The following CELF3 variants were observed in gnomAD, a reference collection of about 807,000 sequenced individuals.
The protein encoded by CELF3 is CAG repeat domain.
A neutral mutation model predicts 59.6 loss-of-function variants in CELF3; 26 were observed. That is an observed-to-expected ratio of 0.44 (90% CI 0.32 to 0.61). CELF3 has a LOEUF of 0.61. Ranked by LOEUF, CELF3 falls within the 20% of genes least tolerant of loss-of-function variation. The pLI is 0.06. For synonymous variants in CELF3, 245 were observed against 250.7 expected (o/e 0.98, Z 0.22); for missense variants, 387 against 627.2 (o/e 0.62, Z 4.09).
intron 9 of CELF3, 78 bp from the exon 10 acceptor site, chr1:151,706,439 C>A (rs1344141334): frequency 1.4e-6 from 2 of 1,434,596 alleles, no homozygotes; most frequent in African/African-American, 1.4e-5. Flanking sequence ...GTCTCCCTTC[C>A]CCTAGCCCAG....
At chr1:151,706,821 G>C in intron 8 of CELF3, 87 bp from the exon 9 acceptor site, 1 of 1,062,070 alleles carries the variant, frequency 9.4e-7, no homozygotes, top group Non-Finnish European at 1.3e-6. Flanking sequence ...GCCGAGGCCA[G>C]GCAGGTGGGG....
At chr1:151,710,469 G>C (rs1672923350) in intron 2 of CELF3, 1 of 337,972 alleles carries the variant, frequency 3.0e-6, no homozygotes, top group South Asian at 2.2e-5. Context: ...GAGAAGGAGT[G>C]GGGTGGGGGG....
chr1:151,701,936 AAAAT>A lies in CELF3; in HGVS notation c.*1519_*1522del, dbSNP rs1368004584. Among the ~76,000 whole-genome samples the A allele has an allele frequency of 3.9e-5, 6 of 152,228 alleles. No homozygotes were observed. The highest frequency in any genetic ancestry group is 5.9e-5 in the Non-Finnish European group (4 of 68,042). ...AGACCCTGTTTCAAAGTAAATAAGT[AAAAT>A]AAATAAACTATAGCCTGCCTCACAA... On this transcript the variant is annotated 3_prime_UTR_variant, in exon 13 of 13. Transcript: ENST00000290583.
intron 12 of CELF3, among the ~76,000 whole-genome samples, chr1:151,704,808 G>GGTGTGT (rs138717096): frequency 1.3e-5 from 2 of 150,410 alleles, no homozygotes; most frequent in African/African-American, 4.9e-5. Flanking sequence ...GGTCACGGAG[G>GGTGTGT]GTGTGTGTGT....
intron 12 of CELF3, among the ~76,000 whole-genome samples, chr1:151,704,114 G>C (rs976767226): frequency 3.9e-5 from 6 of 152,040 alleles, no homozygotes; most frequent in Non-Finnish European, 8.8e-5. Flanking sequence ...CAACACGCTC[G>C]TTCCATGCAA....
At chr1:151,708,239 C>G in intron 5 of CELF3, 1 of 338,964 alleles carries the variant, frequency 3.0e-6, no homozygotes, top group Non-Finnish European at 5.4e-6. Context: ...GAAATCATCC[C>G]CACCCTGGGT....
chr1:151,706,099 G>A (rs549078975), intron 10 of CELF3, 125 bp downstream of exon 10: 121 of 1,593,430 alleles, frequency 7.6e-5, no homozygotes, highest in Non-Finnish European at 9.7e-5. Context: ...CCAAGTCTCC[G>A]GCCACTCCCT....
Position 151,701,379 on chromosome 1 carries a change from T to C in CELF3, c.*2080A>G, listed in dbSNP as rs1672067395. Among the ~76,000 whole-genome samples, 1 of 152,078 alleles carries C rather than the reference T, an allele frequency of 6.6e-6. No homozygotes were observed. The highest frequency in any genetic ancestry group is 1.5e-5 in the Non-Finnish European group (1 of 67,990). On this transcript the variant is annotated 3_prime_UTR_variant, in exon 13 of 13. Coordinates refer to ENST00000290583, the MANE Select transcript of CELF3 (RefSeq NM_007185.7). ...CCCTAAAGCAGCTCACAGAGAAGAA[T>C]CTAGGAAGTGGAGGGACTTAGGGCT...
Position 151,707,234 on chromosome 1 carries a change from C to G in CELF3, c.833G>C (p.Gly278Ala). The change falls in exon 8 of 13, where the codon GGC becomes GCC. Residue 278 changes from glycine (G) to alanine (A), a missense_variant. Around this residue, in one of 3 missense-constraint regions of CELF3, gnomAD observed 131 missense variants for 153.7 expected, o/e 0.85. Coordinates refer to ENST00000290583, the MANE Select transcript of CELF3 (RefSeq NM_007185.7). ...TPVSAIPAAL[G>A]VNGYSPVPTQ... is the part of the protein sequence containing the mutation. The stretch of plus-strand genomic sequence containing the variant: ...GGGCACCGGGCTGTAGCCGTTGACG[C>G]CCAGGGCAGCCGGAATGGCAGAGAC... 6.4e-7 allele frequency: 1 copy of G among 1,553,890 alleles called. No homozygotes were observed. The highest frequency in any genetic ancestry group is 2.4e-5 in the East Asian group (1 of 42,194).
Position 151,716,099 on chromosome 1 carries a change from A to C in CELF3, c.-79T>G. On this transcript the variant is annotated 5_prime_UTR_variant, in exon 1 of 13. Transcript: ENST00000290583. ...AGGGGAGCTGCCCAGCAAGGAGATA[A>C]GTGGTGGGGCCCGGGGGCCCAGCTG... is the stretch of plus-strand genomic sequence containing the variant. 6.9e-7 allele frequency: 1 copy of C among 1,453,160 alleles called. No individual in the cohort carries two copies. Among genetic ancestry groups the C allele is most frequent in the Non-Finnish European group, 9.2e-7 (1 of 1,087,858 alleles). The allele number at this position is 1,453,160 out of a possible 1,614,324, so 90.0% of individuals were successfully genotyped here.
chr1:151,714,163 T>A (rs1184316802), intron 2 of CELF3, among the ~76,000 whole-genome samples: 2 of 151,928 alleles, frequency 1.3e-5, no homozygotes, highest in Non-Finnish European at 2.9e-5. Context: ...CGGCACCAGC[T>A]GCCTGTTCTC....
chr1:151,703,708 T>G (rs3828056), intron 12 of CELF3, among the ~76,000 whole-genome samples: 29,060 of 151,128 alleles, frequency 0.19, 3,132 homozygotes, highest in Middle Eastern at 0.34. Context: ...AGATAGCCCA[T>G]GAGAAAAATA....
At position 151,700,287 on chromosome 1, in the gene CELF3, G is replaced by T. The variant is rs1407058721; in HGVS notation, c.*3172C>A. ...GGAGAAAGACCTGTGGATGAGGGCC[G>T]TTAAGATTTTCATGAAGAAAGTAGT... On this transcript the variant is annotated 3_prime_UTR_variant, in exon 13 of 13. Transcript: ENST00000290583. 6.6e-6 allele frequency among the ~76,000 whole-genome samples: 1 copy of T among 152,180 alleles called. No homozygotes were observed. Among genetic ancestry groups the T allele is most frequent in the Non-Finnish European group, 1.5e-5 (1 of 68,030 alleles).
chr1:151,706,544 G>A (rs544174917), intron 9 of CELF3, 125 bp downstream of exon 9: 2 of 1,248,364 alleles, frequency 1.6e-6, no homozygotes, highest in South Asian at 2.6e-5. Flanking sequence ...CCACAGTTGG[G>A]CTTGTCAGTA....
chr1:151,702,925 G>A lies in CELF3; in HGVS notation c.*534C>T, dbSNP rs1672187756. On this transcript the variant is annotated 3_prime_UTR_variant, in exon 13 of 13. Coordinates refer to ENST00000290583, the MANE Select transcript of CELF3 (RefSeq NM_007185.7). The stretch of plus-strand genomic sequence containing the variant: ...TCCTTAGAGGGGGCCCTTGGGGGAG[G>A]CAGTGAGTTTTAGGGCTGGGAGCCC... 1 of 305,092 alleles carries A rather than the reference G, an allele frequency of 3.3e-6. No homozygotes were observed. The highest frequency in any genetic ancestry group is 2.9e-5 in the South Asian group (1 of 34,414). 18.9% of individuals were successfully genotyped at this position (305,092 alleles called of 1,614,324 possible).
At chr1:151,704,070 C>T (rs575027062) in intron 12 of CELF3, among the ~76,000 whole-genome samples, 1 of 152,262 alleles carries the variant, frequency 6.6e-6, no homozygotes, top group South Asian at 2.1e-4. Context: ...CCTCCGCGGC[C>T]CCTCCCCAAA....
intron 2 of CELF3, among the ~76,000 whole-genome samples, chr1:151,713,164 G>A (rs1464437608): frequency 6.6e-6 from 1 of 152,184 alleles, no homozygotes; most frequent in East Asian, 1.9e-4. Context: ...GGCTAAAGTG[G>A]AGAATTCAGC....
chr1:151,709,022 G>C lies in CELF3; in HGVS notation c.462C>G (p.Thr154=). Residue 154 remains threonine (T), a synonymous_variant, in exon 5 of 13, where the codon ACC becomes ACG. Coordinates refer to ENST00000290583, the MANE Select transcript of CELF3 (RefSeq NM_007185.7). The surrounding 1 kb of genome is among the most constrained non-coding windows in gnomAD (Gnocchi z 4.9). ...CTGGCAGGGTCCGGCTGCTGTGAAG[G>C]GTGTTGATGGCCGCCTGGGCCTCAG... ...THAEAQAAIN[T]LHSSRTLPGA... The C allele has an allele frequency of 6.2e-7, 1 of 1,613,984 alleles. No individual in the cohort carries two copies. Among genetic ancestry groups the C allele is most frequent in the South Asian group, 1.1e-5 (1 of 91,070 alleles).
At chr1:151,715,007 C>T (rs1043615626) in intron 1 of CELF3, among the ~76,000 whole-genome samples, 1 of 152,006 alleles carries the variant, frequency 6.6e-6, no homozygotes, top group Non-Finnish European at 1.5e-5. Flanking sequence ...CTCCTTTCCC[C>T]TCTCTCCCTC....
Sources: gnomAD v4.1 joint callset for allele counts (sites outside exome capture counted in the v4.1 genomes callset) on GRCh38, gnomAD v4.1.1 for gene constraint, gnomAD v4.1.1 regional missense constraint, Gnocchi (gnomAD v3.1) non-coding constraint, MANE v1.5 for transcripts, NCBI Gene and HGNC (gene_info 2026-07-23, HGNC 2026-07-21) for gene names.